TCF4: variants seen among roughly 807,000 people sequenced by gnomAD.
The protein encoded by TCF4 is SL3-3 enhancer factor 2.
Under a neutral mutation model 82.1 loss-of-function variants are expected in TCF4, and 3 were observed. The ratio of observed to expected loss-of-function variants is 0.04; its 90% CI spans 0.02 to 0.09. TCF4 has a LOEUF of 0.09. Among genes scored for constraint, TCF4 ranks in the 10% least tolerant of loss-of-function variants. TCF4 has a pLI of 1.00. For synonymous variants in TCF4, 276 were observed against 309.6 expected (o/e 0.89, Z 1.14); for missense variants, 518 against 852.7 (o/e 0.61, Z 4.89).
At chr18:55,242,993 G>C (rs1168974362) in intron 15 of TCF4, among the ~76,000 whole-genome samples, 1 of 152,128 alleles carries the variant, frequency 6.6e-6, no homozygotes, top group Non-Finnish European at 1.5e-5. Context: ...AGGTCATGTA[G>C]GGTTTTAAAA....
chr18:55,362,369 G>GGAAAGAAGGAAGGAAGGAAA (rs1555942657), intron 6 of TCF4, among the ~76,000 whole-genome samples: 32 of 91,780 alleles, frequency 3.5e-4, no homozygotes, highest in African/African-American at 1.0e-3. Context: ...AAGGAAGGAA[G>GGAAAGAAGGAAGGAAGGAAA]GAAGGAAGGA....
rs1555796836 is a variant in TCF4 at position 55,275,670 on chromosome 18, A to G, written c.738T>C (p.Ser246=). The G allele has an allele frequency of 6.2e-7, 1 of 1,613,894 alleles. No individual in the cohort carries two copies. Among genetic ancestry groups the G allele is most frequent in the Non-Finnish European group, 8.5e-7 (1 of 1,179,804 alleles). The change falls in exon 10 of 20, where the codon TCT becomes TCC. Residue 246 remains serine, a synonymous_variant. Coordinates refer to ENST00000354452, the MANE Select transcript of TCF4 (RefSeq NM_001083962.2). ...AGTAGCTGCTGGACTGTGGAATATG[A>G]GAAGAGTTGCCCAACATTCCTGCAT... ...PGYAGMLGNS[S]HIPQSSSYCS...
intron 15 of TCF4, among the ~76,000 whole-genome samples, chr18:55,244,761 G>A (rs576043813): frequency 6.6e-6 from 1 of 152,230 alleles, no homozygotes; most frequent in African/African-American, 2.4e-5. Flanking sequence ...GACTACAGGG[G>A]GAAAATTTTG....
chr18:55,333,933 T>C (rs769396128), intron 8 of TCF4, among the ~76,000 whole-genome samples: 3 of 152,220 alleles, frequency 2.0e-5, no homozygotes, highest in Non-Finnish European at 4.4e-5. Context: ...GGCTACATGA[T>C]AATTATATAA....
intron 15 of TCF4, among the ~76,000 whole-genome samples, chr18:55,239,769 G>T (rs1253844604): frequency 6.6e-6 from 1 of 152,196 alleles, no homozygotes; most frequent in Non-Finnish European, 1.5e-5. Flanking sequence ...TTTATATGGA[G>T]ATGCATTCAG....
rs1282899105 is a variant in TCF4 at position 55,621,474 on chromosome 18, A to T, written c.286+9824T>A. 2.7e-3 allele frequency among the ~76,000 whole-genome samples: 203 copies of T among 75,212 alleles called. 3 individuals are homozygous for T. The highest frequency in any genetic ancestry group is 5.2e-3 in the Admixed American group (27 of 5,154). 49.3% of individuals were successfully genotyped at this position (75,212 alleles called of 152,430 possible). A position where few individuals can be genotyped will look rare whatever the true frequency, so the allele number is the denominator to read the frequency against. ...ATATATATAATATATAATATATATA[A>T]AAATATAATATATATTATATAATGT... On this transcript the variant is annotated intron_variant, in intron 2 of 20. Transcript: ENST00000398339.
At chr18:55,495,622 C>T (rs2096626387) in intron 3 of TCF4, 1 of 152,070 alleles carries the variant, frequency 6.6e-6, no homozygotes, top group Non-Finnish European at 1.5e-5. Context: ...TTAGGAACAA[C>T]CAAATCAGTT....
At chr18:55,299,453 T>G (rs1313349282) in intron 8 of TCF4, among the ~76,000 whole-genome samples, 13 of 138,232 alleles carry the variant, frequency 9.4e-5, no homozygotes, top group Non-Finnish European at 2.1e-4. Context: ...TGTTTCTGCT[T>G]TTTTTTTTTT....
intron 8 of TCF4, among the ~76,000 whole-genome samples, chr18:55,335,075 A>G (rs2147844635): frequency 6.6e-6 from 1 of 152,326 alleles, no homozygotes; most frequent in East Asian, 1.9e-4. Context: ...AGAACAGAAC[A>G]CACACATTCA....
intron 3 of TCF4, among the ~76,000 whole-genome samples, chr18:55,558,112 G>A (rs928142044): frequency 3.3e-5 from 5 of 151,890 alleles, no homozygotes; most frequent in African/African-American, 7.3e-5. Flanking sequence ...CTCAGCAGGC[G>A]GCGGTAGGAG....
chr18:55,400,285 T>C (rs1057272989), intron 6 of TCF4, among the ~76,000 whole-genome samples: 3 of 152,194 alleles, frequency 2.0e-5, no homozygotes, highest in Non-Finnish European at 4.4e-5. Context: ...CTTTCCATTA[T>C]AAATTTCATT....
chr18:55,287,019 C>T (rs1168079123), intron 8 of TCF4, among the ~76,000 whole-genome samples: 1 of 151,682 alleles, frequency 6.6e-6, no homozygotes, highest in Non-Finnish European at 1.5e-5. Flanking sequence ...CTAAGTGCCC[C>T]AAAACAATTC....
At chr18:55,517,174 G>A (rs1222566719) in intron 3 of TCF4, among the ~76,000 whole-genome samples, 3 of 152,168 alleles carry the variant, frequency 2.0e-5, no homozygotes, top group African/African-American at 7.2e-5. Context: ...ACTGGACTAT[G>A]CCACATGACA....
chr18:55,234,797 C>T, intron 15 of TCF4, 114 bp from the exon 16 acceptor site: 1 of 1,513,534 alleles, frequency 6.6e-7, no homozygotes, highest in South Asian at 1.1e-5. Flanking sequence ...TACTCCCAAA[C>T]GCGTTTCACT....
At chr18:55,285,140 T>TC (rs1473187026) in intron 8 of TCF4, among the ~76,000 whole-genome samples, 2 of 152,026 alleles carry the variant, frequency 1.3e-5, no homozygotes, top group African/African-American at 4.8e-5. Context: ...TGCTAACTAA[T>TC]CCATAAAGCA....
intron 3 of TCF4, among the ~76,000 whole-genome samples, chr18:55,488,055 C>T (rs952815094): frequency 6.6e-6 from 1 of 152,120 alleles, no homozygotes; most frequent in Non-Finnish European, 1.5e-5. Context: ...GCTTTGCACC[C>T]CATTTGAAAG....
upstream of TCF4, among the ~76,000 whole-genome samples, chr18:55,593,625 G>A (rs2097687969): frequency 6.6e-6 from 1 of 152,188 alleles, no homozygotes; most frequent in South Asian, 2.1e-4. Flanking sequence ...AATCCAGAAT[G>A]CCCTACCATT....
At chr18:55,271,743 T>C (rs974912220) in intron 10 of TCF4, among the ~76,000 whole-genome samples, 3 of 152,088 alleles carry the variant, frequency 2.0e-5, no homozygotes, top group Admixed American at 1.3e-4. Flanking sequence ...TCCATGGAAT[T>C]TTCTCCAATG....
intron 3 of TCF4, among the ~76,000 whole-genome samples, chr18:55,474,399 T>C (rs1010679642): frequency 1.3e-5 from 2 of 152,210 alleles, no homozygotes; most frequent in African/African-American, 4.8e-5. Flanking sequence ...CTTATTCATC[T>C]AAACTCCAGA....
Sources: gnomAD v4.1 joint callset for allele counts (sites outside exome capture counted in the v4.1 genomes callset) on GRCh38, gnomAD v4.1.1 for gene constraint, MANE v1.5 for transcripts, NCBI Gene and HGNC (gene_info 2026-07-23, HGNC 2026-07-21) for gene names.